The following PCNT variants were observed in gnomAD, a reference collection of about 807,000 sequenced individuals.
The protein encoded by PCNT is kendrin.
PCNT carries 319 observed loss-of-function variants against 380.4 expected under a neutral mutation model. That is an observed-to-expected ratio of 0.84 (90% confidence interval 0.77 to 0.92). The LOEUF is 0.92. Among genes scored for constraint, PCNT ranks in the 40% least tolerant of loss-of-function variants. The pLI, the probability that PCNT is intolerant of heterozygous loss-of-function variation, is 0.00. For synonymous variants in PCNT, 1,845 were observed against 1,735.2 expected, an observed-to-expected ratio of 1.06 and a Z score of -1.57; for missense variants, 4,400 against 4,255.3, an observed-to-expected ratio of 1.03 and a Z score of -0.95.
intron 38 of PCNT, 59 bp from the exon 39 acceptor site, chr21:46,435,845 A>G: frequency 6.2e-7 from 1 of 1,609,966 alleles, no homozygotes; most frequent in East Asian, 2.2e-5. Context: ...CCCGGCCGGC[A>G]GTTTTGTTTT....
In PCNT at chr21:46,445,324, G is replaced by A. The variant is rs1480138252; in HGVS notation, c.10008G>A (p.Gln3336=). The change falls in exon 47 of 47, where the codon CAG becomes CAA. Residue 3336 remains glutamine, a synonymous_variant. Coordinates refer to ENST00000359568, the MANE Select transcript of PCNT (RefSeq NM_006031.6). The stretch of plus-strand genomic sequence containing the variant: ...AATCCTGCCACCCGATGATTAAACA[G>A]TGAATAAAATGTCATGGCTCTTTCC... ...SKKSCHPMIK[Q] The A allele has an allele frequency of 6.2e-7, 1 of 1,604,342 alleles. No individual in the cohort carries two copies. Among genetic ancestry groups the A allele is most frequent in the South Asian group, 1.1e-5 (1 of 90,882 alleles).
Position 46,389,115 on chromosome 21 carries a change from G to C in PCNT, c.3608-84G>C, listed in dbSNP as rs1281787663. The C allele has an allele frequency of 2.1e-6, 3 of 1,420,526 alleles. No homozygotes were observed. The African/African-American group carries it at 4.2e-5, about 20-fold the overall frequency. The allele number at this position is 1,420,526 out of a possible 1,614,324, so 88.0% of individuals were successfully genotyped here. On this transcript the variant is annotated intron_variant, in intron 18 of 46. Coordinates refer to ENST00000359568, the MANE Select transcript of PCNT (RefSeq NM_006031.6). ...CGGCTGGGGCGACGTTCTGAGTTCT[G>C]TGGCTTCCTTGTCGTCTTGGCTGCC...
chr21:46,430,903 G>A (rs535407858), intron 37 of PCNT: 67 of 862,592 alleles, frequency 7.8e-5, no homozygotes, highest in African/African-American at 7.5e-4. Context: ...GCCCCCCCCC[G>A]TCCCTGAGCA....
intron 15 of PCNT, among the ~76,000 whole-genome samples, chr21:46,373,072 A>T (rs1234231457): frequency 6.6e-6 from 1 of 152,140 alleles, no homozygotes; most frequent in Admixed American, 6.6e-5. Context: ...CCCAGGCCGA[A>T]GGTAGTGATG....
At chr21:46,395,364 C>T (rs1022571371) in intron 21 of PCNT, among the ~76,000 whole-genome samples, 2 of 152,162 alleles carry the variant, frequency 1.3e-5, no homozygotes, top group African/African-American at 2.4e-5. Context: ...GACTCCATCT[C>T]AGAAATAATT....
intron 32 of PCNT, among the ~76,000 whole-genome samples, chr21:46,423,366 T>G (rs1399262724): frequency 1.3e-5 from 2 of 151,650 alleles, no homozygotes; most frequent in Non-Finnish European, 2.9e-5. Flanking sequence ...AATTTTTGTA[T>G]TTTCTGTAAA....
intron 10 of PCNT, among the ~76,000 whole-genome samples, chr21:46,353,756 GAGAC>G (rs948291394): frequency 8.5e-5 from 12 of 141,980 alleles, no homozygotes; most frequent in South Asian, 2.4e-4. Context: ...GTGTGTGAGA[GAGAC>G]AGAGAGAGAG....
chr21:46,366,821 G>A lies in PCNT; in HGVS notation c.2847G>A (p.Leu949=). The change falls in exon 15 of 47, where the codon CTG becomes CTA. Residue 949 remains leucine, a synonymous_variant. Coordinates refer to ENST00000359568, the MANE Select transcript of PCNT (RefSeq NM_006031.6). ...TGCTGGCTGCACGTGTGGCCGAACT[G>A]CAGACAAAACACGCTGCCGACCTCG... ...GALLAARVAE[L]QTKHAADLGA... 6.2e-7 allele frequency: 1 copy of A among 1,613,952 alleles called. No homozygotes were observed.
At chr21:46,355,018 C>T (rs1051555803) in intron 11 of PCNT, among the ~76,000 whole-genome samples, 7 of 152,200 alleles carry the variant, frequency 4.6e-5, no homozygotes, top group Admixed American at 1.3e-4. Flanking sequence ...CCTGCCTCTG[C>T]GCGTGGGTGT....
chr21:46,408,483 T>C (rs7277027), intron 27 of PCNT, among the ~76,000 whole-genome samples: 2,979 of 152,330 alleles, frequency 0.02, 89 homozygotes, highest in African/African-American at 0.067. Context: ...GTCAAACTGT[T>C]TTCTATAGTT....
chr21:46,369,043 G>T (rs184290653), intron 15 of PCNT, among the ~76,000 whole-genome samples: 2 of 152,306 alleles, frequency 1.3e-5, no homozygotes, highest in African/African-American at 4.8e-5. Context: ...CGCTGTGAGG[G>T]TTTCATGTTA....
Position 46,390,609 on chromosome 21 carries a change from C to G in PCNT, c.3841-61C>G. The G allele has an allele frequency of 3.8e-6, 6 of 1,577,954 alleles. No homozygotes were observed. The South Asian group carries it at 6.7e-5, about 18-fold the overall frequency. ...GGGGTAGAAGTGGCGTTCTCTTGGT[C>G]TTAATGTAGGCTTCAGTTATTTTTG... On this transcript the variant is annotated intron_variant, in intron 19 of 46. Transcript: ENST00000359568.
chr21:46,335,597 CA>C (rs397796372), intron 3 of PCNT, among the ~76,000 whole-genome samples: 29 of 141,442 alleles, frequency 2.1e-4, no homozygotes, highest in Middle Eastern at 3.8e-3. Flanking sequence ...TTCCATCTCA[CA>C]AAAAAAAAAG....
chr21:46,371,867 G>A (rs2085141584), intron 15 of PCNT, among the ~76,000 whole-genome samples: 2 of 147,732 alleles, frequency 1.4e-5, no homozygotes, highest in Non-Finnish European at 1.5e-5. Context: ...CAGCATGTGT[G>A]CACACACACA....
intron 1 of PCNT, chr21:46,324,905 G>C (rs1405731130): frequency 2.0e-6 from 2 of 985,402 alleles, no homozygotes; most frequent in East Asian, 1.1e-4. Context: ...AGTCCTTACT[G>C]TGTGAAAGGC....
Position 46,388,864 on chromosome 21 carries a change from C to A in PCNT, c.3587C>A (p.Ala1196Glu), listed in dbSNP as rs1320174820. Residue 1196 changes from alanine (A) to glutamate (E), a missense_variant, in exon 18 of 47, where the codon GCA (alanine) becomes GAA (glutamate). Ala to Glu is a moderately radical substitution (Grantham distance 107, BLOSUM62 -1). Transcript: ENST00000359568. This position sits in a 1 kb window ranked among gnomAD's most constrained non-coding sequence, Gnocchi z 4.2. ...RVGLCLDDAG[A>E]GLALSTAPAL... is the part of the protein sequence containing the mutation. Reference sequence around the variant, plus strand: ...GGGCTCTGCCTGGATGACGCGGGCGCAGGCCTGGCCCTGTCGACAGGTGAG... The same window carrying A: ...GGGCTCTGCCTGGATGACGCGGGCGAAGGCCTGGCCCTGTCGACAGGTGAG... 4.4e-6 allele frequency: 7 copies of A among 1,606,704 alleles called. No individual in the cohort carries two copies. The highest frequency in any genetic ancestry group is 5.9e-6 in the Non-Finnish European group (7 of 1,179,400).
chr21:46,431,607 A>G lies in PCNT; in HGVS notation c.8143A>G (p.Lys2715Glu). 1.2e-6 allele frequency: 2 copies of G among 1,614,056 alleles called. No homozygotes were observed. Among genetic ancestry groups the G allele is most frequent in the Non-Finnish European group, 1.7e-6 (2 of 1,179,960 alleles). The stretch of plus-strand genomic sequence containing the variant: ...GGCACTGAAACACGAGCAGACGGCC[A>G]AGGACAACCTGCAGAAGGAGCTGCG... ...CVALKHEQTA[K>E]DNLQKELRIE... Residue 2715 changes from lysine (K) to glutamate (E), a missense_variant, in exon 38 of 47, where the codon AAG becomes GAG. Physicochemically the swap from Lys to Glu is moderately conservative, Grantham distance 56. Transcript: ENST00000359568.
intron 34 of PCNT, among the ~76,000 whole-genome samples, 183 bp downstream of exon 34, chr21:46,427,978 C>CT (rs2087581303): frequency 6.6e-6 from 1 of 152,232 alleles, no homozygotes; most frequent in Non-Finnish European, 1.5e-5. Flanking sequence ...ACTTTTCCAC[C>CT]TGCAGCTGTA....
At chr21:46,354,170 T>G in intron 11 of PCNT, 102 bp downstream of exon 11, 1 of 1,066,606 alleles carries the variant, frequency 9.4e-7, no homozygotes, top group Non-Finnish European at 1.4e-6. Flanking sequence ...CTTCCCACCT[T>G]GTCCAGGGGA....
Sources: gnomAD v4.1 joint callset for allele counts (sites outside exome capture counted in the v4.1 genomes callset) on GRCh38, gnomAD v4.1.1 for gene constraint, Gnocchi (gnomAD v3.1) non-coding constraint, MANE v1.5 for transcripts, NCBI Gene and HGNC (gene_info 2026-07-23, HGNC 2026-07-21) for gene names.